TRABD2B: variants seen among roughly 807,000 people sequenced by gnomAD.
TRABD2B encodes metalloprotease TIKI2.
TRABD2B carries 14 observed loss-of-function variants against 40.1 expected under a neutral mutation model. The observed-to-expected ratio is 0.35, with a 90% CI of 0.23 to 0.55. The LOEUF is 0.55. TRABD2B is among the 20% of genes least tolerant of loss of function. The probability of loss-of-function intolerance (pLI) is 0.90; values close to 1 mark genes in which losing one functional copy is unlikely to be tolerated. For missense variants in TRABD2B, 541 were observed against 648.6 expected (o/e 0.83, Z 1.80); for synonymous variants, 263 against 277.0 (o/e 0.95, Z 0.50).
intron 2 of TRABD2B, among the ~76,000 whole-genome samples, chr1:47,921,406 A>C (rs1477044656): frequency 6.6e-6 from 1 of 152,072 alleles, no homozygotes; most frequent in Non-Finnish European, 1.5e-5. Flanking sequence ...TCCTTTCCAG[A>C]TTCCTTCCAA....
At chr1:47,778,636 G>T in intron 4 of TRABD2B, 92 bp from the exon 5 acceptor site, 6 of 876,530 alleles carry the variant, frequency 6.8e-6, no homozygotes, top group Non-Finnish European at 1.1e-5. Flanking sequence ...TTGTATCTGG[G>T]CCAGTGACCT....
Position 47,775,367 on chromosome 1 carries a change from G to A in TRABD2B, c.1152C>T (p.Ala384=), listed in dbSNP as rs961606491. The change falls in exon 6 of 7, where the codon GCC becomes GCT. Residue 384 remains alanine (A), a synonymous_variant. Coordinates refer to ENST00000606738, the MANE Select transcript of TRABD2B (RefSeq NM_001194986.2). The stretch of plus-strand genomic sequence containing the variant: ...TCACAGAGGGTGCTTCGGGGACAGC[G>A]GCAGCTGGGGTCACTGGGGCCGGGC... ...STSPAPVTPA[A]AVPEAPSVTP... 8 of 1,238,064 alleles carry A rather than the reference G, an allele frequency of 6.5e-6. No individual in the cohort carries two copies. The African/African-American group carries it at 7.7e-5, about 12-fold the overall frequency. The allele number at this position is 1,238,064 out of a possible 1,614,324, so 76.7% of individuals were successfully genotyped here. A position where few individuals can be genotyped will look rare whatever the true frequency, so the allele number is the denominator to read the frequency against.
intron 2 of TRABD2B, among the ~76,000 whole-genome samples, chr1:47,876,399 C>T (rs1644226240): frequency 6.6e-6 from 1 of 152,230 alleles, no homozygotes. Flanking sequence ...ATAACTGTCT[C>T]TGACTCCTGG....
At chr1:47,965,402 A>G (rs1645588512) in intron 2 of TRABD2B, among the ~76,000 whole-genome samples, 1 of 151,820 alleles carries the variant, frequency 6.6e-6, no homozygotes, top group Admixed American at 6.6e-5. Context: ...AAAAAAAAAA[A>G]ATCTCCTTGG....
chr1:47,941,336 C>T (rs559666218), intron 2 of TRABD2B, among the ~76,000 whole-genome samples: 1 of 152,212 alleles, frequency 6.6e-6, no homozygotes, highest in East Asian at 1.9e-4. Flanking sequence ...GTACACACAC[C>T]CATGCACACA....
At chr1:47,855,199 G>C (rs1256261598) in intron 2 of TRABD2B, among the ~76,000 whole-genome samples, 1 of 152,200 alleles carries the variant, frequency 6.6e-6, no homozygotes, top group African/African-American at 2.4e-5. Flanking sequence ...TTGCTACTGA[G>C]AGTTAACACA....
intron 2 of TRABD2B, among the ~76,000 whole-genome samples, chr1:47,832,667 A>G (rs571911511): frequency 1.8e-4 from 27 of 152,302 alleles, no homozygotes; most frequent in African/African-American, 5.5e-4. Flanking sequence ...AATAGTAGGG[A>G]CTAACATTAC....
chr1:47,877,500 T>A (rs936148752), intron 2 of TRABD2B, among the ~76,000 whole-genome samples: 1 of 152,136 alleles, frequency 6.6e-6, no homozygotes, highest in East Asian at 1.9e-4. Flanking sequence ...TATTGGCAGG[T>A]GTTGTGAACA....
chr1:47,778,615 A>AG, intron 4 of TRABD2B, 71 bp from the exon 5 acceptor site: 2 of 1,145,804 alleles, frequency 1.7e-6, no homozygotes, highest in African/African-American at 1.5e-5. Flanking sequence ...GCCCCAGGCC[A>AG]TCCCCTAAGT....
At chr1:47,976,578 T>C (rs1231513333) in intron 2 of TRABD2B, among the ~76,000 whole-genome samples, 1 of 152,066 alleles carries the variant, frequency 6.6e-6, no homozygotes, top group Non-Finnish European at 1.5e-5. Context: ...ATACGTAAAA[T>C]GTATAGAACG....
intron 2 of TRABD2B, among the ~76,000 whole-genome samples, chr1:47,883,296 C>A (rs916440068): frequency 2.6e-5 from 4 of 152,152 alleles, no homozygotes; most frequent in African/African-American, 7.2e-5. Flanking sequence ...GACATTGTCT[C>A]AAAATTGAGT....
chr1:47,789,217 G>C (rs1212780769), intron 4 of TRABD2B, among the ~76,000 whole-genome samples: 2 of 152,106 alleles, frequency 1.3e-5, no homozygotes, highest in Non-Finnish European at 2.9e-5. Flanking sequence ...GATAAAATCA[G>C]CACACAGGCC....
chr1:47,897,708 TAC>T (rs149841486), intron 2 of TRABD2B, among the ~76,000 whole-genome samples: 5 of 151,494 alleles, frequency 3.3e-5, no homozygotes, highest in Non-Finnish European at 7.4e-5. Flanking sequence ...CACACAGGTG[TAC>T]ACACACACAC....
chr1:47,965,584 C>T lies in TRABD2B; in HGVS notation c.666+28450G>A, dbSNP rs1352581469. Among the ~76,000 whole-genome samples the T allele has an allele frequency of 3.3e-5, 5 of 152,254 alleles. No homozygotes were observed. In the East Asian group the frequency reaches 9.7e-4, roughly 30 times the overall value. ...GCCCTCCCCCAGCCCCAACCCCAAA[C>T]CCAGGGGACACTGGGGGAGTCTGTT... On this transcript the variant is annotated intron_variant, in intron 2 of 6. Coordinates refer to ENST00000606738, the MANE Select transcript of TRABD2B (RefSeq NM_001194986.2).
chr1:47,873,233 T>G (rs1388501620), intron 2 of TRABD2B, among the ~76,000 whole-genome samples: 1 of 152,128 alleles, frequency 6.6e-6, no homozygotes, highest in East Asian at 1.9e-4. Context: ...GATTTCAACA[T>G]GTGAATTTTG....
At chr1:47,784,682 C>A (rs1420213647) in intron 4 of TRABD2B, among the ~76,000 whole-genome samples, 3 of 152,132 alleles carry the variant, frequency 2.0e-5, no homozygotes, top group African/African-American at 7.2e-5. Flanking sequence ...GGAAGTATGA[C>A]AGGAGGGCTG....
intron 3 of TRABD2B, among the ~76,000 whole-genome samples, chr1:47,800,858 A>G (rs1051786158): frequency 1.3e-5 from 2 of 152,172 alleles, no homozygotes; most frequent in Non-Finnish European, 2.9e-5. Flanking sequence ...TGCAAGTTCC[A>G]CAGTCTGCAG....
Position 47,775,308 on chromosome 1 carries a change from G to T in TRABD2B, c.1211C>A (p.Ala404Asp), listed in dbSNP as rs1317609724. The change falls in exon 6 of 7, where the codon GCC becomes GAC. Residue 404 changes from alanine (A) to aspartate (D), a missense_variant. Ala to Asp is a moderately radical substitution (Grantham distance 126, BLOSUM62 -2). This residue lies in a region of TRABD2B where 172 missense variants were observed against 155.8 expected (regional missense o/e 1.10). Transcript: ENST00000606738. ...GGGGAGCAGGAGGTGTGGGGACAGG[G>T]CTGGATCCTCATCCTCTGGTGGGGC... ...PTAPPEDEDP[A>D]LSPHLLLPDS... The T allele has an allele frequency of 8.0e-7, 1 of 1,249,454 alleles. No homozygotes were observed. The allele number at this position is 1,249,454 out of a possible 1,614,324, so 77.4% of individuals were successfully genotyped here. A position where few individuals can be genotyped will look rare whatever the true frequency, so the allele number is the denominator to read the frequency against.
intron 2 of TRABD2B, among the ~76,000 whole-genome samples, chr1:47,975,102 T>TA (rs1244814426): frequency 1.3e-5 from 2 of 152,084 alleles, no homozygotes; most frequent in Admixed American, 6.6e-5. Context: ...GATCCTGGAT[T>TA]AAAAAAATAA....
Sources: gnomAD v4.1 joint callset for allele counts (sites outside exome capture counted in the v4.1 genomes callset) on GRCh38, gnomAD v4.1.1 for gene constraint, gnomAD v4.1.1 regional missense constraint, MANE v1.5 for transcripts, NCBI Gene and HGNC (gene_info 2026-07-23, HGNC 2026-07-21) for gene names.